ZSCAN25: variants seen among roughly 807,000 people sequenced by gnomAD.
The protein encoded by ZSCAN25 is zinc finger and SCAN domain-containing protein 25.
In ZSCAN25, 27 loss-of-function variants were observed where a neutral mutation model predicts 38.7. The ratio of observed to expected loss-of-function variants is 0.70; its 90% CI spans 0.51 to 0.96. ZSCAN25 has a LOEUF of 0.96. ZSCAN25 is among the 40% of genes least tolerant of loss of function. The probability of loss-of-function intolerance (pLI) is 0.00; values close to 1 mark genes in which losing one functional copy is unlikely to be tolerated. For missense variants in ZSCAN25, 637 were observed against 705.9 expected (o/e 0.90, Z 1.11); for synonymous variants, 273 against 277.7 (o/e 0.98, Z 0.17).
At chr7:99,673,622 TTCTC>T in the ZSCAN25 span, among the ~76,000 whole-genome samples, 76 of 152,356 alleles carry the variant, frequency 5.0e-4, no homozygotes, top group African/African-American at 1.8e-3. Context: ...CCCAATCTGT[TTCTC>T]TATTATCTCT....
chr7:99,666,528 A>T, the ZSCAN25 span: 1 of 1,489,556 alleles, frequency 6.7e-7, no homozygotes, highest in East Asian at 2.3e-5. Context: ...CAACAGTGCG[A>T]CTGTCGACTC....
chr7:99,721,212 A>G, the ZSCAN25 span, among the ~76,000 whole-genome samples: 1 of 152,214 alleles, frequency 6.6e-6, no homozygotes, highest in African/African-American at 2.4e-5. Flanking sequence ...AAATGTATAG[A>G]CAAAGATGTA....
At chr7:99,643,393 G>C in the ZSCAN25 span, among the ~76,000 whole-genome samples, 2 of 152,070 alleles carry the variant, frequency 1.3e-5, no homozygotes, top group Non-Finnish European at 1.5e-5. Flanking sequence ...GCAAGGTTAG[G>C]TGAAGGTCTT....
At chr7:99,676,194 G>A in the ZSCAN25 span, 2 of 1,612,788 alleles carry the variant, frequency 1.2e-6, no homozygotes, top group South Asian at 1.1e-5. Flanking sequence ...AAGTCCATGT[G>A]TACGGGTCCC....
chr7:99,626,183 G>A (rs1162884758), intron 7 of ZSCAN25, among the ~76,000 whole-genome samples: 1 of 152,230 alleles, frequency 6.6e-6, no homozygotes. Context: ...AATCACAGAG[G>A]CAAAAAGTAG....
At chr7:99,622,937 G>C (rs1228636045) in intron 6 of ZSCAN25, among the ~76,000 whole-genome samples, 3 of 152,216 alleles carry the variant, frequency 2.0e-5, no homozygotes, top group Non-Finnish European at 2.9e-5. Context: ...CTCCCAAGCA[G>C]CTGGGACTAC....
At chr7:99,683,004 A>C in the ZSCAN25 span, among the ~76,000 whole-genome samples, 1 of 152,206 alleles carries the variant, frequency 6.6e-6, no homozygotes, top group Non-Finnish European at 1.5e-5. Flanking sequence ...CAGATCTAAT[A>C]GTTCTTTAGT....
chr7:99,698,794 C>CA, the ZSCAN25 span, among the ~76,000 whole-genome samples: 1 of 152,056 alleles, frequency 6.6e-6, no homozygotes, highest in African/African-American at 2.4e-5. Flanking sequence ...ATTCCATCTC[C>CA]AAAAAATTCT....
chr7:99,669,413 A>C, the ZSCAN25 span, among the ~76,000 whole-genome samples: 2 of 152,252 alleles, frequency 1.3e-5, no homozygotes, highest in Non-Finnish European at 2.9e-5. Flanking sequence ...GGTAAAACCT[A>C]GTTATGTGGT....
chr7:99,714,701 A>G, the ZSCAN25 span: 2,097 of 1,608,230 alleles, frequency 1.3e-3, 2 homozygotes, highest in Admixed American at 1.7e-3. Context: ...AAAAAAAACC[A>G]ACAGAAAACG....
At chr7:99,733,537 AAG>A in the ZSCAN25 span, among the ~76,000 whole-genome samples, 1 of 152,188 alleles carries the variant, frequency 6.6e-6, no homozygotes, top group African/African-American at 2.4e-5. Context: ...GGCATCGTCT[AAG>A]GCTAAGGTAT....
chr7:99,700,090 T>C, the ZSCAN25 span: 35 of 1,285,842 alleles, frequency 2.7e-5, no homozygotes, highest in African/African-American at 4.7e-4. Flanking sequence ...CTGTGTGCTG[T>C]TGTTTGCTGG....
the ZSCAN25 span, chr7:99,663,629 G>A: frequency 7.0e-6 from 7 of 1,003,882 alleles, no homozygotes; most frequent in Non-Finnish European, 8.3e-6. Context: ...TGTGATATGA[G>A]GAAAGCACAA....
At chr7:99,636,628 A>G (rs181981271), downstream of ZSCAN25, among the ~76,000 whole-genome samples, 14 of 152,352 alleles carry the variant, frequency 9.2e-5, no homozygotes, top group Admixed American at 8.5e-4. Context: ...TTTGCAGTCT[A>G]CATTTCTTAA....
chr7:99,619,116 A>C lies in ZSCAN25; in HGVS notation c.-63A>C, dbSNP rs975535025. On this transcript the variant is annotated 5_prime_UTR_variant, in exon 3 of 8. Coordinates refer to ENST00000394152, the MANE Select transcript of ZSCAN25 (RefSeq NM_145115.3). ...GACTTTTTCTGTCTGCTGTACCAGC[A>C]TATGAGTTTCAGGAGGGTAAGCTCC... is the stretch of plus-strand genomic sequence containing the variant. The C allele has an allele frequency of 6.5e-6, 1 of 153,398 alleles. No homozygotes were observed. Among genetic ancestry groups the C allele is most frequent in the South Asian group, 2.0e-4 (1 of 4,884 alleles). The allele number at this position is 153,398 out of a possible 1,614,324, so 9.5% of individuals were successfully genotyped here.
the ZSCAN25 span, among the ~76,000 whole-genome samples, chr7:99,655,520 C>G: frequency 4.6e-5 from 7 of 152,172 alleles, no homozygotes; most frequent in African/African-American, 9.7e-5. Flanking sequence ...CATGATGCCT[C>G]CGGCTTTGTT....
the ZSCAN25 span, among the ~76,000 whole-genome samples, chr7:99,718,076 A>G: frequency 2.0e-4 from 30 of 152,018 alleles, no homozygotes; most frequent in Non-Finnish European, 7.4e-5. Context: ...ATACAATGAG[A>G]ACACATGGAC....
chr7:99,725,735 G>A, the ZSCAN25 span, among the ~76,000 whole-genome samples: 2 of 152,216 alleles, frequency 1.3e-5, no homozygotes, highest in Non-Finnish European at 2.9e-5. Flanking sequence ...CTTAGTGGCT[G>A]AAGACTGATG....
At chr7:99,654,779 C>T in the ZSCAN25 span, among the ~76,000 whole-genome samples, 1 of 152,216 alleles carries the variant, frequency 6.6e-6, no homozygotes, top group Non-Finnish European at 1.5e-5. Context: ...GCCATTCTAA[C>T]TGGCGTGAGA....
Sources: gnomAD v4.1 joint callset for allele counts (sites outside exome capture counted in the v4.1 genomes callset) on GRCh38, gnomAD v4.1.1 for gene constraint, MANE v1.5 for transcripts, NCBI Gene and HGNC (gene_info 2026-07-23, HGNC 2026-07-21) for gene names.